The following ADARB2 variants were observed in gnomAD, a reference collection of about 807,000 sequenced individuals.
The protein encoded by ADARB2 is inactive double-stranded RNA-specific editase B2.
ADARB2 carries 25 observed loss-of-function variants against 62.2 expected under a neutral mutation model. The observed-to-expected ratio is 0.40, with a 90% CI of 0.29 to 0.56. ADARB2 has a LOEUF of 0.56. Ranked by LOEUF, ADARB2 falls within the 20% of genes least tolerant of loss-of-function variation. The pLI is 0.43. For missense variants in ADARB2, 1,071 were observed against 1,077.4 expected, an observed-to-expected ratio of 0.99 and a Z score of 0.08; for synonymous variants, 572 against 500.8, an observed-to-expected ratio of 1.14 and a Z score of -1.90.
intron 1 of ADARB2, among the ~76,000 whole-genome samples, chr10:1,462,867 AATGT>A (rs1377133310): frequency 2.0e-5 from 3 of 152,144 alleles, no homozygotes; most frequent in South Asian, 2.1e-4. Flanking sequence ...TGTGTATGTG[AATGT>A]ATGTGCATGA....
chr10:1,508,418 C>T (rs978118134), intron 1 of ADARB2, among the ~76,000 whole-genome samples: 1 of 152,174 alleles, frequency 6.6e-6, no homozygotes, highest in Non-Finnish European at 1.5e-5. Flanking sequence ...CTGGCAGAGT[C>T]GTTGGGAGAC....
rs141192300 is a variant in ADARB2, at chr10:1,411,875, T to G, written c.101-32715A>C. ...GTTTCTCTGCATTTTCAACCAAAAT[T>G]TGAAAGACATTGCTTTCAGCTAGCA... On this transcript the variant is annotated intron_variant, in intron 1 of 9. Coordinates refer to ENST00000381312, the MANE Select transcript of ADARB2 (RefSeq NM_018702.4). 1.4e-3 allele frequency among the ~76,000 whole-genome samples: 211 copies of G among 152,368 alleles called. 5 individuals carry two copies. In the East Asian group the frequency reaches 0.032, roughly 23 times the overall value.
chr10:1,468,222 CG>C (rs1831276966), intron 1 of ADARB2, among the ~76,000 whole-genome samples: 2 of 152,214 alleles, frequency 1.3e-5, no homozygotes, highest in South Asian at 4.1e-4. Flanking sequence ...CAGCCAAGCC[CG>C]GTTGCCTCTT....
intron 1 of ADARB2, among the ~76,000 whole-genome samples, chr10:1,540,572 G>T (rs1284400226): frequency 4.8e-5 from 3 of 62,592 alleles, no homozygotes; most frequent in Non-Finnish European, 6.3e-5. Context: ...CCACTCAGAT[G>T]TAGTTCAGAC....
rs115738545 is a variant in ADARB2, at chr10:1,344,857, T to G, written c.1077+18171A>C. Among the ~76,000 whole-genome samples, 1,431 of 152,292 alleles carry G rather than the reference T, an allele frequency of 9.4e-3. 23 individuals carry two copies. Among genetic ancestry groups the G allele is most frequent in the African/African-American group, 0.033 (1,370 of 41,568 alleles). ...CCCTCAGCCTGGCTGTGCTGGGGGT[T>G]GGGCCAGGCCCACACCCGTGTGCCC... On this transcript the variant is annotated intron_variant, in intron 3 of 9. Transcript: ENST00000381312.
At chr10:1,599,905 C>A (rs749084885) in intron 1 of ADARB2, among the ~76,000 whole-genome samples, 1 of 152,064 alleles carries the variant, frequency 6.6e-6, no homozygotes, top group African/African-American at 2.4e-5. Flanking sequence ...CATCACCACA[C>A]CTAATTTTTG....
chr10:1,179,631 C>T lies in ADARB2; in HGVS notation c.*3562G>A, dbSNP rs1836638089. Reference sequence around the variant, plus strand: ...CCAGGCCGGAAACCACATTGCTGATCTTCCTGATGGGAAAGCAGTGTGTGT... The same window carrying T: ...CCAGGCCGGAAACCACATTGCTGATTTTCCTGATGGGAAAGCAGTGTGTGT... On this transcript the variant is annotated 3_prime_UTR_variant, in exon 10 of 10. Coordinates refer to ENST00000381312, the MANE Select transcript of ADARB2 (RefSeq NM_018702.4). 6.6e-6 allele frequency: 1 copy of T among 152,244 alleles called. No homozygotes were observed. The highest frequency in any genetic ancestry group is 1.9e-4 in the East Asian group (1 of 5,202). The allele number at this position is 152,244 out of a possible 1,614,324, so 9.4% of individuals were successfully genotyped here.
At chr10:1,656,675 C>T (rs943092070) in intron 1 of ADARB2, among the ~76,000 whole-genome samples, 5 of 152,138 alleles carry the variant, frequency 3.3e-5, no homozygotes, top group Admixed American at 1.3e-4. Context: ...GGGACTCTCA[C>T]GCGTCTTCAT....
chr10:1,190,528 TC>T (rs1836828285), intron 8 of ADARB2, among the ~76,000 whole-genome samples: 1 of 152,166 alleles, frequency 6.6e-6, no homozygotes, highest in African/African-American at 2.4e-5. Flanking sequence ...AGAGCAGAAA[TC>T]TGTCCTGTCG....
At chr10:1,508,271 G>A (rs192915725) in intron 1 of ADARB2, among the ~76,000 whole-genome samples, 12 of 152,282 alleles carry the variant, frequency 7.9e-5, no homozygotes, top group Admixed American at 3.9e-4. Context: ...CTCAATGGAC[G>A]TCAGTGCTGT....
At chr10:1,437,231 T>TACACACACACATATATATATAC (rs1564288726) in intron 1 of ADARB2, among the ~76,000 whole-genome samples, 1 of 146,168 alleles carries the variant, frequency 6.8e-6, no homozygotes, top group Non-Finnish European at 1.5e-5. Context: ...TATATATATA[T>TACACACACACATATATATATAC]ACACACACAC....
rs1000451779 is a variant in ADARB2, at chr10:1,198,963, A to C, written c.1864+1003T>G. 5.3e-5 allele frequency among the ~76,000 whole-genome samples: 8 copies of C among 152,192 alleles called. No individual in the cohort carries two copies. In the East Asian group the frequency reaches 1.5e-3, roughly 29 times the overall value. ...CTGCGCAAGCTTAAATAAGCCCTTCAGTAGGTGCTGGACAAAGAGCGGGGA... is the reference window on the plus strand; with the variant it reads ...CTGCGCAAGCTTAAATAAGCCCTTCCGTAGGTGCTGGACAAAGAGCGGGGA... On this transcript the variant is annotated intron_variant, in intron 8 of 9. Coordinates refer to ENST00000381312, the MANE Select transcript of ADARB2 (RefSeq NM_018702.4).
At chr10:1,442,050 C>T (rs746638175) in intron 1 of ADARB2, among the ~76,000 whole-genome samples, 1 of 152,164 alleles carries the variant, frequency 6.6e-6, no homozygotes, top group Non-Finnish European at 1.5e-5. Flanking sequence ...GAAATAGGAT[C>T]TTTCTCTAAC....
intron 1 of ADARB2, among the ~76,000 whole-genome samples, chr10:1,591,794 G>A (rs952529721): frequency 1.3e-5 from 2 of 152,314 alleles, no homozygotes; most frequent in East Asian, 1.9e-4. Context: ...ACTCCTTAGG[G>A]CAGGGACTTG....
At chr10:1,402,256 G>A (rs1328996891) in intron 1 of ADARB2, among the ~76,000 whole-genome samples, 1 of 152,200 alleles carries the variant, frequency 6.6e-6, no homozygotes, top group Non-Finnish European at 1.5e-5. Context: ...CAGTGTTTAC[G>A]CGTGCGCGCG....
At chr10:1,273,539 G>C (rs1831284550) in intron 3 of ADARB2, among the ~76,000 whole-genome samples, 1 of 152,194 alleles carries the variant, frequency 6.6e-6, no homozygotes, top group African/African-American at 2.4e-5. Flanking sequence ...TTCTCCCCTA[G>C]AAGGCTGGCT....
At chr10:1,689,978 T>A (rs995918812) in intron 1 of ADARB2, among the ~76,000 whole-genome samples, 2 of 152,076 alleles carry the variant, frequency 1.3e-5, no homozygotes, top group African/African-American at 4.8e-5. Flanking sequence ...AATGTGGGGT[T>A]TTTTTGTTTT....
At chr10:1,277,644 G>A (rs2131803056) in intron 3 of ADARB2, among the ~76,000 whole-genome samples, 1 of 152,294 alleles carries the variant, frequency 6.6e-6, no homozygotes, top group South Asian at 2.1e-4. Context: ...TCCAGAACCA[G>A]ATGGATTCAC....
At chr10:1,721,604 A>G (rs10903552) in intron 1 of ADARB2, among the ~76,000 whole-genome samples, 88,469 of 152,220 alleles carry the variant, frequency 0.58, 26,885 homozygotes, top group South Asian at 0.76. Flanking sequence ...TATTTTACAC[A>G]TAAAGAATTT....
Sources: gnomAD v4.1 joint callset for allele counts (sites outside exome capture counted in the v4.1 genomes callset) on GRCh38, gnomAD v4.1.1 for gene constraint, MANE v1.5 for transcripts, NCBI Gene and HGNC (gene_info 2026-07-23, HGNC 2026-07-21) for gene names.